Variants in C6 observed in about 807,000 individuals in gnomAD.
C6 encodes complement C6.
Under a neutral mutation model 112.9 loss-of-function variants are expected in C6, and 101 were observed. That is an observed-to-expected ratio of 0.89 (90% CI 0.76 to 1.06). C6 has a LOEUF of 1.06. Among genes scored for constraint, C6 ranks in the 50% least tolerant of loss-of-function variants. The probability of loss-of-function intolerance (pLI) is 0.00; values close to 1 mark genes in which losing one functional copy is unlikely to be tolerated. For missense variants in C6, 1,202 were observed against 1,104.6 expected (o/e 1.09, Z -1.25); for synonymous variants, 431 against 384.1 (o/e 1.12, Z -1.43).
At chr5:41,232,804 T>C (rs1739991829) in intron 1 of C6, among the ~76,000 whole-genome samples, 1 of 152,098 alleles carries the variant, frequency 6.6e-6, no homozygotes, top group Non-Finnish European at 1.5e-5. Flanking sequence ...TAGCACCTTA[T>C]TTTTTGTTCT....
chr5:41,225,802 T>C (rs1242085465), intron 1 of C6, among the ~76,000 whole-genome samples: 1 of 152,036 alleles, frequency 6.6e-6, no homozygotes, highest in Non-Finnish European at 1.5e-5. Flanking sequence ...ATGCCACATA[T>C]CTACAACTAT....
Position 41,186,163 on chromosome 5 carries a change from G to A in C6, c.633C>T (p.Asn211=), listed in dbSNP as rs1480746862. The change falls in exon 6 of 18, where the codon AAC becomes AAT. Residue 211 remains asparagine (N), a synonymous_variant. Transcript: ENST00000337836. ...TTTTACATATTCCTCCAGTGAAAGA[G>A]TTATCAAGGACTTCTCCTCTGGGCT... ...AGEPRGEVLD[N]SFTGGICKTV... is the part of the protein sequence containing the mutation. 1 of 1,613,876 alleles carries A rather than the reference G, an allele frequency of 6.2e-7. No homozygotes were observed. Among genetic ancestry groups the A allele is most frequent in the Non-Finnish European group, 8.5e-7 (1 of 1,179,854 alleles).
At chr5:41,149,205 G>C (rs764965506) in intron 17 of C6, 36 bp downstream of exon 17, 2 of 1,612,320 alleles carry the variant, frequency 1.2e-6, no homozygotes, top group South Asian at 2.2e-5. Flanking sequence ...TGAAGGTTAA[G>C]TGAGAGCATT....
intron 7 of C6, among the ~76,000 whole-genome samples, chr5:41,177,592 A>T (rs915397285): frequency 6.6e-6 from 1 of 151,786 alleles, no homozygotes; most frequent in Non-Finnish European, 1.5e-5. Flanking sequence ...AAATAACTGT[A>T]TTATAACTGT....
chr5:41,209,904 G>T (rs1419072757), intron 1 of C6, among the ~76,000 whole-genome samples: 4 of 152,156 alleles, frequency 2.6e-5, no homozygotes, highest in African/African-American at 7.2e-5. Flanking sequence ...AGCCTGCATT[G>T]CCAAGACAAT....
At position 41,161,818 on chromosome 5, in the gene C6, G is replaced by T. The variant is rs778044260; in HGVS notation, c.1333C>A (p.Arg445=). 1.2e-6 allele frequency: 2 copies of T among 1,613,370 alleles called. No homozygotes were observed. Among genetic ancestry groups the T allele is most frequent in the Non-Finnish European group, 1.7e-6 (2 of 1,179,652 alleles). The change falls in exon 10 of 18, where the codon CGA becomes AGA. Residue 445 remains arginine (R), a synonymous_variant. Coordinates refer to ENST00000337836, the MANE Select transcript of C6 (RefSeq NM_000065.5). Reference sequence around the variant, plus strand: ...GCTCCATATTCACTCCTTCCACCTCGAATCAGGGATATGGATTTCTCTGCT... The same window carrying T: ...GCTCCATATTCACTCCTTCCACCTCTAATCAGGGATATGGATTTCTCTGCT... The part of the protein sequence containing the change: ...QGAEKSISLI[R]GGRSEYGAAL...
At chr5:41,197,590 A>G (rs1445769481) in intron 4 of C6, among the ~76,000 whole-genome samples, 3 of 152,188 alleles carry the variant, frequency 2.0e-5, no homozygotes, top group African/African-American at 4.8e-5. Flanking sequence ...CATGTAGAGT[A>G]TAGTTCTCAT....
At chr5:41,212,280 C>G (rs1013583111) in intron 1 of C6, among the ~76,000 whole-genome samples, 1 of 152,098 alleles carries the variant, frequency 6.6e-6, no homozygotes, top group East Asian at 1.9e-4. Flanking sequence ...TCTGCCTCAG[C>G]CTCCCGAGTA....
intron 1 of C6, among the ~76,000 whole-genome samples, chr5:41,238,503 C>G (rs1295727031): frequency 6.6e-6 from 1 of 152,056 alleles, no homozygotes; most frequent in Non-Finnish European, 1.5e-5. Context: ...GAATATGGGG[C>G]AAGTCTATTC....
intron 9 of C6, among the ~76,000 whole-genome samples, chr5:41,166,638 A>G (rs1270728790): frequency 1.3e-5 from 2 of 152,114 alleles, no homozygotes; most frequent in African/African-American, 2.4e-5. Flanking sequence ...GAATTTGCAT[A>G]CTGTGGAGGA....
chr5:41,175,177 G>A (rs781768528), intron 8 of C6, among the ~76,000 whole-genome samples: 1 of 152,258 alleles, frequency 6.6e-6, no homozygotes, highest in East Asian at 1.9e-4. Context: ...AAAGTGGTGA[G>A]GGAGGAAGGG....
At chr5:41,155,326 C>T (rs543759978) in intron 13 of C6, among the ~76,000 whole-genome samples, 1 of 152,120 alleles carries the variant, frequency 6.6e-6, no homozygotes, top group African/African-American at 2.4e-5. Context: ...AACTTTATAA[C>T]TGGTCACTCT....
chr5:41,176,557 C>G lies in C6; in HGVS notation c.1086G>C (p.Gly362=). 6.2e-7 allele frequency: 1 copy of G among 1,613,836 alleles called. No homozygotes were observed. Among genetic ancestry groups the G allele is most frequent in the Admixed American group, 1.7e-5 (1 of 60,002 alleles). Residue 362 remains glycine, a synonymous_variant, in exon 8 of 18, where the codon GGG becomes GGC. Transcript: ENST00000337836. ...GGGAGCCAGAGGTGAAGTAATGAGT[C>G]CCAAAGTCATCGAATATTCGGCTGT... ...ALYSRIFDDF[G]THYFTSGSLG...
At chr5:41,150,153 G>T (rs1746247806) in intron 15 of C6, 128 bp from the exon 16 acceptor site, 2 of 708,050 alleles carry the variant, frequency 2.8e-6, no homozygotes, top group Admixed American at 2.1e-5. Context: ...CATTCATTTT[G>T]GCTTCTCTAA....
chr5:41,178,998 C>T (rs143968311), intron 7 of C6, among the ~76,000 whole-genome samples: 211 of 152,198 alleles, frequency 1.4e-3, no homozygotes, highest in African/African-American at 4.6e-3. Flanking sequence ...GGATCACAGG[C>T]GCACACTGCC....
intron 1 of C6, among the ~76,000 whole-genome samples, chr5:41,229,890 C>G (rs760260186): frequency 1.1e-4 from 17 of 152,116 alleles, no homozygotes; most frequent in Non-Finnish European, 2.1e-4. Flanking sequence ...GGACCCCAAA[C>G]AGAGGGACCA....
chr5:41,207,273 A>G (rs1202145717), intron 1 of C6, among the ~76,000 whole-genome samples: 1 of 152,362 alleles, frequency 6.6e-6, no homozygotes, highest in East Asian at 1.9e-4. Context: ...CTGCAAAAAC[A>G]TGCCAAATTG....
chr5:41,248,386 A>G (rs1741146868), intron 1 of C6, among the ~76,000 whole-genome samples: 1 of 152,230 alleles, frequency 6.6e-6, no homozygotes, highest in African/African-American at 2.4e-5. Context: ...GTAACCAGAT[A>G]ATCTACAGAA....
intron 9 of C6, 64 bp from the exon 10 acceptor site, chr5:41,161,923 C>A (rs899078208): frequency 1.3e-6 from 2 of 1,512,020 alleles, no homozygotes; most frequent in East Asian, 2.3e-5. Flanking sequence ...CTAAAACAAA[C>A]AAACAAAAAC....
Sources: gnomAD v4.1 joint callset for allele counts (sites outside exome capture counted in the v4.1 genomes callset) on GRCh38, gnomAD v4.1.1 for gene constraint, MANE v1.5 for transcripts, NCBI Gene and HGNC (gene_info 2026-07-23, HGNC 2026-07-21) for gene names.